PDS5B: variants seen among roughly 807,000 people sequenced by gnomAD.
The protein encoded by PDS5B is PDS5 cohesin associated factor B.
PDS5B carries 51 observed loss-of-function variants against 184.1 expected under a neutral mutation model. That is an observed-to-expected ratio of 0.28 (90% CI 0.22 to 0.35). The LOEUF is 0.35. Ranked by LOEUF, PDS5B falls within the 10% of genes least tolerant of loss-of-function variation. The probability of loss-of-function intolerance (pLI) is 1.00; values close to 1 mark genes in which losing one functional copy is unlikely to be tolerated. For missense variants in PDS5B, 1,180 were observed against 1,723.3 expected (o/e 0.68, Z 5.58); for synonymous variants, 566 against 569.2 (o/e 0.99, Z 0.08).
At chr13:32,701,176 TCTTTTTTTCTGGG>T in intron 16 of PDS5B, 134 bp from the exon 17 acceptor site, 1 of 550,514 alleles carries the variant, frequency 1.8e-6, no homozygotes, top group South Asian at 2.4e-5. Flanking sequence ...CTTAATTCAG[TCTTTTTTTCTGGG>T]CTTGTTCAAT....
At chr13:32,691,854 T>C (rs1435518268) in intron 13 of PDS5B, among the ~76,000 whole-genome samples, 1 of 152,162 alleles carries the variant, frequency 6.6e-6, no homozygotes, top group African/African-American at 2.4e-5. Flanking sequence ...CTGTGTATTA[T>C]CAGACATTTA....
At chr13:32,638,836 A>G (rs761817226) in intron 1 of PDS5B, among the ~76,000 whole-genome samples, 15 of 151,826 alleles carry the variant, frequency 9.9e-5, no homozygotes, top group Non-Finnish European at 1.5e-4. Context: ...AGGAATGGGG[A>G]AGGAGGGAAG....
chr13:32,698,873 C>T (rs766323835), intron 15 of PDS5B, among the ~76,000 whole-genome samples: 1 of 152,082 alleles, frequency 6.6e-6, no homozygotes, highest in Non-Finnish European at 1.5e-5. Context: ...CTGCCTCAGC[C>T]TCCCGAGTAG....
chr13:32,760,772 A>G (rs774255448), intron 30 of PDS5B, 52 bp downstream of exon 30: 8 of 1,522,032 alleles, frequency 5.3e-6, no homozygotes, highest in South Asian at 4.7e-5. Flanking sequence ...CAGCAAGGCT[A>G]TGAGATCTGA....
chr13:32,617,393 T>C (rs1214691817), intron 1 of PDS5B, among the ~76,000 whole-genome samples: 3 of 152,206 alleles, frequency 2.0e-5, no homozygotes, highest in Non-Finnish European at 2.9e-5. Context: ...ACATACTGTT[T>C]TGGATATCTT....
At chr13:32,608,231 A>G (rs1235347352) in intron 1 of PDS5B, among the ~76,000 whole-genome samples, 1 of 152,168 alleles carries the variant, frequency 6.6e-6, no homozygotes, top group Non-Finnish European at 1.5e-5. Context: ...AAGCCAGTGC[A>G]TGATTACCAC....
intron 1 of PDS5B, among the ~76,000 whole-genome samples, chr13:32,640,713 G>A (rs1387557240): frequency 1.3e-5 from 2 of 151,822 alleles, no homozygotes; most frequent in African/African-American, 4.8e-5. Flanking sequence ...ACTATTAATT[G>A]GTGGTAAATT....
chr13:32,633,791 A>G (rs924903074), intron 1 of PDS5B, among the ~76,000 whole-genome samples: 2 of 152,188 alleles, frequency 1.3e-5, no homozygotes, highest in African/African-American at 2.4e-5. Context: ...ATATTTGTTT[A>G]TCTTTATGGA....
intron 1 of PDS5B, among the ~76,000 whole-genome samples, chr13:32,617,551 G>A (rs563911934): frequency 1.1e-4 from 16 of 152,274 alleles, no homozygotes; most frequent in African/African-American, 3.6e-4. Flanking sequence ...TTCAGGGCCC[G>A]TTTGATTCAG....
At chr13:32,742,950 A>G (rs1223477531) in intron 23 of PDS5B, among the ~76,000 whole-genome samples, 2 of 151,356 alleles carry the variant, frequency 1.3e-5, no homozygotes, top group Non-Finnish European at 1.5e-5. Flanking sequence ...ATTTTAAACA[A>G]TAGATTCTTA....
intron 1 of PDS5B, among the ~76,000 whole-genome samples, chr13:32,597,858 G>C (rs1050986286): frequency 1.2e-4 from 18 of 149,004 alleles, no homozygotes; most frequent in African/African-American, 4.5e-4. Flanking sequence ...AAAAAAAAAA[G>C]AAAATTAATT....
intron 6 of PDS5B, among the ~76,000 whole-genome samples, chr13:32,659,539 T>G (rs1298133426): frequency 2.6e-5 from 4 of 152,160 alleles, no homozygotes; most frequent in African/African-American, 4.8e-5. Context: ...GGGAGTGAGT[T>G]AGTAGTAGCT....
intron 2 of PDS5B, 45 bp downstream of exon 2, chr13:32,648,925 T>A: frequency 1.1e-6 from 1 of 888,788 alleles, no homozygotes; most frequent in Non-Finnish European, 1.9e-6. Flanking sequence ...AGGGCAGAGG[T>A]CCCCTGTGGA....
chr13:32,751,619 AT>A (rs1953983827), intron 24 of PDS5B, among the ~76,000 whole-genome samples: 1 of 152,068 alleles, frequency 6.6e-6, no homozygotes, highest in Non-Finnish European at 1.5e-5. Context: ...GATGTTGAAC[AT>A]TTTTTCATAT....
intron 21 of PDS5B, among the ~76,000 whole-genome samples, chr13:32,738,488 A>G (rs1953419524): frequency 6.6e-6 from 1 of 152,002 alleles, no homozygotes; most frequent in Non-Finnish European, 1.5e-5. Flanking sequence ...TACTTTCTGA[A>G]ATTCCCTTTT....
chr13:32,597,931 C>G (rs1378161603), intron 1 of PDS5B, among the ~76,000 whole-genome samples: 1 of 151,380 alleles, frequency 6.6e-6, no homozygotes, highest in Non-Finnish European at 1.5e-5. Context: ...AGTGAACATC[C>G]TGGTCTTGTT....
intron 1 of PDS5B, among the ~76,000 whole-genome samples, chr13:32,616,245 G>A (rs989134931): frequency 6.6e-6 from 1 of 152,126 alleles, no homozygotes; most frequent in Non-Finnish European, 1.5e-5. Flanking sequence ...AGTAGAGACA[G>A]GGTTTCACTA....
intron 1 of PDS5B, among the ~76,000 whole-genome samples, chr13:32,632,178 A>G (rs1465743788): frequency 2.0e-5 from 3 of 152,196 alleles, no homozygotes; most frequent in Non-Finnish European, 4.4e-5. Flanking sequence ...AAAAATATAT[A>G]TTGGACTTTA....
intron 24 of PDS5B, among the ~76,000 whole-genome samples, chr13:32,747,840 C>G (rs891497876): frequency 6.6e-6 from 1 of 152,160 alleles, no homozygotes; most frequent in Non-Finnish European, 1.5e-5. Flanking sequence ...ATTTAAAAAA[C>G]ACAAAGTATG....
Sources: gnomAD v4.1 joint callset for allele counts (sites outside exome capture counted in the v4.1 genomes callset) on GRCh38, gnomAD v4.1.1 for gene constraint, MANE v1.5 for transcripts, NCBI Gene and HGNC (gene_info 2026-07-23, HGNC 2026-07-21) for gene names.